PDCD2L: variants seen among roughly 807,000 people sequenced by gnomAD.
PDCD2L encodes programmed cell death 2 like, also known as uS5 assembly chaperone PDCD2L.
Under a neutral mutation model 40.4 loss-of-function variants are expected in PDCD2L, and 44 were observed. The observed-to-expected ratio is 1.09, with a 90% CI of 0.86 to 1.40. The LOEUF is 1.40. PDCD2L is among the 40% of genes most tolerant of loss of function. PDCD2L has a pLI of 0.00. For synonymous variants in PDCD2L, 194 were observed against 174.6 expected, an observed-to-expected ratio of 1.11 and a Z score of -0.88; for missense variants, 470 against 453.7, an observed-to-expected ratio of 1.04 and a Z score of -0.33.
At chr19:34,422,710 T>C (rs958557435) in intron 6 of PDCD2L, among the ~76,000 whole-genome samples, 1 of 151,914 alleles carries the variant, frequency 6.6e-6, no homozygotes, top group African/African-American at 2.4e-5. Context: ...TACTGGATTT[T>C]TTTTTTTTTC....
chr19:34,421,964 T>C (rs1176878615), intron 6 of PDCD2L: 3 of 191,786 alleles, frequency 1.6e-5, no homozygotes, highest in African/African-American at 7.2e-5. Context: ...GGCACGTGCC[T>C]GTAGTCCCAG....
intron 3 of PDCD2L, 109 bp from the exon 4 acceptor site, chr19:34,409,052 A>G (rs973114103): frequency 8.2e-5 from 73 of 891,868 alleles, no homozygotes; most frequent in Non-Finnish European, 1.2e-4. Flanking sequence ...GGGGAAGGGG[A>G]TGGTGTGAAG....
chr19:34,425,851 C>A (rs373643980), intron 6 of PDCD2L, 139 bp from the exon 7 acceptor site: 6 of 741,570 alleles, frequency 8.1e-6, no homozygotes, highest in African/African-American at 5.3e-5. Flanking sequence ...GACTGTGATT[C>A]TGTTATAGCT....
chr19:34,408,534 A>G (rs1267960796), intron 3 of PDCD2L, among the ~76,000 whole-genome samples: 1 of 152,128 alleles, frequency 6.6e-6, no homozygotes, highest in Non-Finnish European at 1.5e-5. Flanking sequence ...TGAGGTTTTT[A>G]GTAAGTGGAT....
rs111870735 is a variant in PDCD2L at position 34,422,001 on chromosome 19, C to T, written c.946+334C>T. The T allele has an allele frequency of 7.3e-3, 1,204 of 164,880 alleles. 7 individuals are homozygous for T. Among genetic ancestry groups the T allele is most frequent in the African/African-American group, 0.027 (1,124 of 41,236 alleles). The allele number at this position is 164,880 out of a possible 1,614,324, so 10.2% of individuals were successfully genotyped here. ...TCCTTGGGAGGTTGAGGCAGGGAATCGCTTGAACCCAGGAGGTAGAGGTTG... is the reference window on the plus strand; with the variant it reads ...TCCTTGGGAGGTTGAGGCAGGGAATTGCTTGAACCCAGGAGGTAGAGGTTG... On this transcript the variant is annotated intron_variant, in intron 6 of 6. Transcript: ENST00000246535.
intron 3 of PDCD2L, among the ~76,000 whole-genome samples, chr19:34,406,913 A>G (rs148350030): frequency 0.043 from 5,952 of 139,166 alleles, 180 homozygotes; most frequent in Admixed American, 0.11. Flanking sequence ...GCTCACTGCA[A>G]CCTCCACCTC....
intron 5 of PDCD2L, among the ~76,000 whole-genome samples, chr19:34,419,790 T>TTTTTTTG (rs2075141715): frequency 1.5e-5 from 2 of 136,974 alleles, no homozygotes; most frequent in African/African-American, 2.6e-5. Context: ...TTTTTTTTTT[T>TTTTTTTG]TTTTAAGAGA....
At chr19:34,424,042 T>C (rs992273432) in intron 6 of PDCD2L, among the ~76,000 whole-genome samples, 1 of 152,044 alleles carries the variant, frequency 6.6e-6, no homozygotes, top group Non-Finnish European at 1.5e-5. Context: ...CTTTCTCTTT[T>C]CAGAACCTTG....
chr19:34,424,819 A>G (rs955294325), intron 6 of PDCD2L, among the ~76,000 whole-genome samples: 1 of 141,146 alleles, frequency 7.1e-6, no homozygotes, highest in Non-Finnish European at 1.5e-5. Flanking sequence ...ATCTCTTCTC[A>G]CTGCAACCTG....
intron 5 of PDCD2L, among the ~76,000 whole-genome samples, chr19:34,418,023 T>C (rs1449926954): frequency 6.6e-6 from 1 of 152,206 alleles, no homozygotes; most frequent in Non-Finnish European, 1.5e-5. Context: ...ATTTGCATTT[T>C]CCTAATAACA....
At chr19:34,422,843 G>A (rs1010090908) in intron 6 of PDCD2L, among the ~76,000 whole-genome samples, 8 of 151,936 alleles carry the variant, frequency 5.3e-5, no homozygotes, top group Non-Finnish European at 8.8e-5. Flanking sequence ...AGCCTCCCAA[G>A]GAGCTGGGAC....
chr19:34,414,012 A>T (rs906019118), intron 5 of PDCD2L, among the ~76,000 whole-genome samples, 165 bp downstream of exon 5: 1 of 152,146 alleles, frequency 6.6e-6, no homozygotes, highest in East Asian at 1.9e-4. Context: ...ACTTTATAGG[A>T]TGTGTAGGAG....
At chr19:34,425,907 CT>C in intron 6 of PDCD2L, 82 bp from the exon 7 acceptor site, 1 of 1,416,368 alleles carries the variant, frequency 7.1e-7, no homozygotes, top group South Asian at 1.4e-5. Flanking sequence ...ACTTTTTCAG[CT>C]TATAAGGTAA....
At chr19:34,412,033 A>G (rs982149318) in intron 4 of PDCD2L, among the ~76,000 whole-genome samples, 1 of 148,958 alleles carries the variant, frequency 6.7e-6, no homozygotes, top group African/African-American at 2.5e-5. Context: ...GAAAATATAT[A>G]TATTTGAGAC....
chr19:34,404,981 G>A lies in PDCD2L; in HGVS notation c.327G>A (p.Gln109=), dbSNP rs201906686. Reference sequence around the variant, plus strand: ...TGCAGGTGCCAGAGAGAGAGGCGCAGGACGCTCAGGTAAAGGTTGTGATTG... The same window carrying A: ...TGCAGGTGCCAGAGAGAGAGGCGCAAGACGCTCAGGTAAAGGTTGTGATTG... The part of the protein sequence containing the change: ...QCLQVPEREA[Q]DAQKQGNSLA... The change falls in exon 3 of 7, where the codon CAG becomes CAA. Residue 109 remains glutamine, a synonymous_variant. Coordinates refer to ENST00000246535, the MANE Select transcript of PDCD2L (RefSeq NM_032346.2). The A allele has an allele frequency of 7.2e-5, 116 of 1,614,196 alleles. No homozygotes were observed. The highest frequency in any genetic ancestry group is 7.6e-6 in the Non-Finnish European group (9 of 1,180,034).
At chr19:34,406,794 C>T (rs2075078047) in intron 3 of PDCD2L, among the ~76,000 whole-genome samples, 1 of 149,554 alleles carries the variant, frequency 6.7e-6, no homozygotes, top group African/African-American at 2.5e-5. Flanking sequence ...ACCGTCATCT[C>T]CTTATTCTTC....
At chr19:34,409,091 G>T in intron 3 of PDCD2L, 70 bp from the exon 4 acceptor site, 3 of 1,437,202 alleles carry the variant, frequency 2.1e-6, no homozygotes, top group East Asian at 4.6e-5. Context: ...GGCGGTGGGT[G>T]GCTGGAGCCG....
At chr19:34,421,315 A>T in intron 5 of PDCD2L, 1 of 599,232 alleles carries the variant, frequency 1.7e-6, no homozygotes, top group Non-Finnish European at 2.9e-6. Context: ...TCAGTTGAAC[A>T]TTGACTTTAG....
At chr19:34,418,393 T>TG (rs1180647293) in intron 5 of PDCD2L, among the ~76,000 whole-genome samples, 4 of 147,162 alleles carry the variant, frequency 2.7e-5, no homozygotes, top group African/African-American at 9.9e-5. Flanking sequence ...TGGGATATAC[T>TG]TTTTTTTTTT....
Sources: gnomAD v4.1 joint callset for allele counts (sites outside exome capture counted in the v4.1 genomes callset) on GRCh38, gnomAD v4.1.1 for gene constraint, MANE v1.5 for transcripts, NCBI Gene and HGNC (gene_info 2026-07-23, HGNC 2026-07-21) for gene names.